Variants in PHC3 observed in about 807,000 individuals in gnomAD.
The protein encoded by PHC3 is polyhomeotic homolog 3, also known as polyhomeotic-like protein 3.
A neutral mutation model predicts 107.4 loss-of-function variants in PHC3; 13 were observed. The ratio of observed to expected loss-of-function variants is 0.12; its 90% CI spans 0.08 to 0.19. The LOEUF (loss-of-function observed/expected upper bound fraction) is 0.19. Ranked by LOEUF, PHC3 falls within the 10% of genes least tolerant of loss-of-function variation. The pLI, the probability that PHC3 is intolerant of heterozygous loss-of-function variation, is 1.00. For synonymous variants in PHC3, 456 were observed against 427.4 expected (o/e 1.07, Z -0.83); for missense variants, 992 against 1,210.9 (o/e 0.82, Z 2.68).
intron 2 of PHC3, among the ~76,000 whole-genome samples, chr3:170,175,652 C>T (rs1730318487): frequency 6.6e-6 from 1 of 150,506 alleles, no homozygotes; most frequent in Non-Finnish European, 1.5e-5. Context: ...GGGCCAGGCG[C>T]AGTGGCTCAC....
rs1189257806 is a variant in PHC3 at position 170,091,916 on chromosome 3, A to G, written c.*5314T>C. 6.6e-6 allele frequency: 1 copy of G among 152,232 alleles called. No homozygotes were observed. The highest frequency in any genetic ancestry group is 1.5e-5 in the Non-Finnish European group (1 of 68,036). 9.4% of individuals were successfully genotyped at this position (152,232 alleles called of 1,614,324 possible). A position where few individuals can be genotyped will look rare whatever the true frequency, so the allele number is the denominator to read the frequency against. On this transcript the variant is annotated 3_prime_UTR_variant, in exon 15 of 15. Transcript: ENST00000495893. ...AATCTAATTTTAAATTTATTTGAAGAAAGCTTATATAACTACTGTGAACAA... is the reference window on the plus strand; with the variant it reads ...AATCTAATTTTAAATTTATTTGAAGGAAGCTTATATAACTACTGTGAACAA...
In PHC3 at chr3:170,096,957, A is replaced by G; in HGVS notation, c.*273T>C. On this transcript the variant is annotated 3_prime_UTR_variant, in exon 15 of 15. Transcript: ENST00000495893. ...CTTTAAAAAAATTATCTAGTATAAC[A>G]CATTTCTTTGAAAAATATCATGGCC... 1 of 269,656 alleles carries G rather than the reference A, an allele frequency of 3.7e-6. No homozygotes were observed. The allele number at this position is 269,656 out of a possible 1,614,324, so 16.7% of individuals were successfully genotyped here.
intron 11 of PHC3, among the ~76,000 whole-genome samples, chr3:170,110,403 T>C (rs939022001): frequency 3.3e-5 from 5 of 152,170 alleles, no homozygotes; most frequent in Non-Finnish European, 5.9e-5. Context: ...ACCTAGCACT[T>C]ACACATTCTT....
chr3:170,146,666 G>T (rs1725016709), intron 5 of PHC3, among the ~76,000 whole-genome samples: 1 of 149,966 alleles, frequency 6.7e-6, no homozygotes, highest in African/African-American at 2.4e-5. Flanking sequence ...CCGAGTAGCT[G>T]GGATTACAGG....
chr3:170,102,753 T>C (rs1715719533), intron 13 of PHC3, 43 bp from the exon 14 acceptor site: 1 of 1,613,184 alleles, frequency 6.2e-7, no homozygotes, highest in Admixed American at 1.7e-5. Context: ...TGCACTTTCC[T>C]TGCATTTCTG....
chr3:170,159,047 C>A (rs529003391), intron 4 of PHC3, among the ~76,000 whole-genome samples: 1 of 151,818 alleles, frequency 6.6e-6, no homozygotes, highest in South Asian at 2.1e-4. Flanking sequence ...GTCAGGAGAT[C>A]GAGACCATCC....
At chr3:170,106,076 G>A (rs577160163) in intron 12 of PHC3, among the ~76,000 whole-genome samples, 108 of 152,238 alleles carry the variant, frequency 7.1e-4, no homozygotes, top group Non-Finnish European at 1.2e-3. Context: ...GCTGGGCATG[G>A]TGGCAGGTGC....
At chr3:170,106,660 C>G (rs985273466) in intron 12 of PHC3, among the ~76,000 whole-genome samples, 172 bp downstream of exon 12, 4 of 152,018 alleles carry the variant, frequency 2.6e-5, no homozygotes, top group Non-Finnish European at 5.9e-5. Flanking sequence ...CTAGGTGGCT[C>G]CAGATACTGC....
intron 4 of PHC3, among the ~76,000 whole-genome samples, chr3:170,158,116 A>G (rs1417457517): frequency 6.6e-6 from 1 of 152,176 alleles, no homozygotes; most frequent in Non-Finnish European, 1.5e-5. Context: ...TGAGAAAACA[A>G]TCACACAAAT....
In PHC3 at chr3:170,136,381, G is replaced by T; in HGVS notation, c.919+38C>A. 2.5e-6 allele frequency: 4 copies of T among 1,610,796 alleles called. No homozygotes were observed. The South Asian group carries it at 4.4e-5, about 18-fold the overall frequency. ...GTTTTGCTCTGTCTGCTAAGAAAATGAATAATACAACTATTTTCAACAAAA... is the reference window on the plus strand; with the variant it reads ...GTTTTGCTCTGTCTGCTAAGAAAATTAATAATACAACTATTTTCAACAAAA... On this transcript the variant is annotated intron_variant, in intron 7 of 14. Coordinates refer to ENST00000495893, the MANE Select transcript of PHC3 (RefSeq NM_024947.4).
chr3:170,089,714 C>T lies in PHC3; in HGVS notation c.*7516G>A, dbSNP rs1412774564. 2 of 151,812 alleles carry T rather than the reference C, an allele frequency of 1.3e-5. No individual in the cohort carries two copies. Among genetic ancestry groups the T allele is most frequent in the African/African-American group, 4.8e-5 (2 of 41,276 alleles). The allele number at this position is 151,812 out of a possible 1,614,324, so 9.4% of individuals were successfully genotyped here. A position where few individuals can be genotyped will look rare whatever the true frequency, so the allele number is the denominator to read the frequency against. On this transcript the variant is annotated 3_prime_UTR_variant, in exon 15 of 15. Transcript: ENST00000495893. ...GGTGGATCACTTGAGGTCAAGAGTT[C>T]GAGACTAGCCTGGCCAACATGGTGA... is the stretch of plus-strand genomic sequence containing the variant.
At chr3:170,136,795 G>C in intron 6 of PHC3, 130 bp from the exon 7 acceptor site, 1 of 925,236 alleles carries the variant, frequency 1.1e-6, no homozygotes, top group South Asian at 1.9e-5. Context: ...CCAAGCACTT[G>C]AAAGAACTGA....
intron 8 of PHC3, among the ~76,000 whole-genome samples, chr3:170,123,173 T>G (rs1160166732): frequency 2.0e-5 from 3 of 152,304 alleles, no homozygotes; most frequent in African/African-American, 2.4e-5. Flanking sequence ...TTAGGACATG[T>G]AGGATTCTAT....
intron 14 of PHC3, among the ~76,000 whole-genome samples, chr3:170,100,891 A>T (rs1409016045): frequency 1.3e-5 from 2 of 152,124 alleles, no homozygotes; most frequent in African/African-American, 4.8e-5. Flanking sequence ...GGAAAAGAAA[A>T]ATTTCCCCCA....
chr3:170,180,325 T>G (rs1731182734), intron 1 of PHC3, among the ~76,000 whole-genome samples: 1 of 152,042 alleles, frequency 6.6e-6, no homozygotes, highest in Admixed American at 6.6e-5. Context: ...GGCACAGGAC[T>G]GTGGTCCCAG....
At chr3:170,109,034 T>A (rs903015989) in intron 11 of PHC3, among the ~76,000 whole-genome samples, 2 of 152,180 alleles carry the variant, frequency 1.3e-5, no homozygotes, top group African/African-American at 4.8e-5. Context: ...ATTAACAGAT[T>A]CAAAAATTCT....
At chr3:170,136,343 A>G in intron 7 of PHC3, 76 bp downstream of exon 7, 1 of 1,541,490 alleles carries the variant, frequency 6.5e-7, no homozygotes, top group East Asian at 2.3e-5. Context: ...TGTTCAAGTC[A>G]TGAACATCCT....
At chr3:170,150,679 CT>C in intron 4 of PHC3, 1 of 398,046 alleles carries the variant, frequency 2.5e-6, no homozygotes, top group Non-Finnish European at 5.0e-6. Flanking sequence ...CGCCACTGCA[CT>C]CCAGCCTGGG....
intron 4 of PHC3, among the ~76,000 whole-genome samples, chr3:170,154,877 C>A (rs1173760574): frequency 6.6e-6 from 1 of 152,180 alleles, no homozygotes; most frequent in Non-Finnish European, 1.5e-5. Context: ...ACTGATAAGG[C>A]TCTCCTTTTT....
Sources: allele counts gnomAD v4.1 joint callset (sites outside exome capture counted in the v4.1 genomes callset), GRCh38; gene constraint gnomAD v4.1.1; transcripts MANE v1.5; gene names NCBI Gene and HGNC (gene_info 2026-07-23, HGNC 2026-07-21).